Variants in DOP1B observed in about 807,000 individuals in gnomAD.
DOP1B encodes protein DOP1B.
A neutral mutation model predicts 233.5 loss-of-function variants in DOP1B; 174 were observed. That is an observed-to-expected ratio of 0.75 (90% CI 0.66 to 0.85). DOP1B has a LOEUF of 0.85. Ranked by LOEUF, DOP1B falls within the 40% of genes least tolerant of loss-of-function variation. The pLI is 0.00. For synonymous variants in DOP1B, 1,190 were observed against 1,185.6 expected, an observed-to-expected ratio of 1.00 and a Z score of -0.08; for missense variants, 2,652 against 2,846.6, an observed-to-expected ratio of 0.93 and a Z score of 1.56.
chr21:36,244,172 C>T (rs2066926790), intron 18 of DOP1B, among the ~76,000 whole-genome samples: 1 of 151,556 alleles, frequency 6.6e-6, no homozygotes, highest in Admixed American at 6.6e-5. Context: ...TATGGGCACG[C>T]ACCACCACGT....
chr21:36,230,524 G>C lies in DOP1B; in HGVS notation c.1740G>C (p.Ser580=), dbSNP rs200401033. The C allele has an allele frequency of 1.9e-6, 3 of 1,613,954 alleles. No homozygotes were observed. In the Admixed American group the frequency reaches 5.0e-5, roughly 27 times the overall value. ...TGATTCCCGGTGACGAAGATGCTTC[G>C]TTTCCCCCTCTGAAGTCTGAGGACA... ...KAVIPGDEDA[S]FPPLKSEDSG... The change falls in exon 14 of 37, where the codon TCG becomes TCC. Residue 580 remains serine (S), a synonymous_variant. Coordinates refer to ENST00000691173, the MANE Select transcript of DOP1B (RefSeq NM_001320714.2).
At chr21:36,168,733 A>C (rs1029109452) in intron 2 of DOP1B, among the ~76,000 whole-genome samples, 1 of 151,784 alleles carries the variant, frequency 6.6e-6, no homozygotes, top group African/African-American at 2.4e-5. Context: ...GGGTTTCACC[A>C]TCTTGGCCAG....
At chr21:36,235,480 A>T (rs1366708295) in intron 15 of DOP1B, among the ~76,000 whole-genome samples, 1 of 152,002 alleles carries the variant, frequency 6.6e-6, no homozygotes, top group Non-Finnish European at 1.5e-5. Flanking sequence ...AGCATCCAGC[A>T]CTTTAGGAGG....
At chr21:36,242,187 T>TATTATTATTATTATTATTATC (rs1445843376) in intron 18 of DOP1B, among the ~76,000 whole-genome samples, 2 of 150,282 alleles carry the variant, frequency 1.3e-5, no homozygotes, top group Non-Finnish European at 3.0e-5. Flanking sequence ...TTATTATTAT[T>TATTATTATTATTATTATTATC]ATTGAAGAAG....
chr21:36,213,010 G>A (rs916140617), intron 7 of DOP1B, among the ~76,000 whole-genome samples: 2 of 152,146 alleles, frequency 1.3e-5, no homozygotes, highest in Non-Finnish European at 2.9e-5. Context: ...TTGGACTCTT[G>A]ACCTCAGGTG....
chr21:36,168,233 C>T (rs544117360), intron 2 of DOP1B, among the ~76,000 whole-genome samples: 7 of 151,950 alleles, frequency 4.6e-5, no homozygotes, highest in East Asian at 1.9e-4. Flanking sequence ...CATGAGCCAC[C>T]GCGCCGAGCC....
intron 32 of DOP1B, among the ~76,000 whole-genome samples, chr21:36,284,057 C>T (rs922029028): frequency 6.7e-6 from 1 of 149,056 alleles, no homozygotes; most frequent in Admixed American, 6.8e-5. Flanking sequence ...AAGCAATTCT[C>T]CTGCCTCAGC....
At chr21:36,256,658 G>A (rs546511219) in intron 23 of DOP1B, among the ~76,000 whole-genome samples, 2 of 152,002 alleles carry the variant, frequency 1.3e-5, no homozygotes, top group Non-Finnish European at 2.9e-5. Flanking sequence ...ATTCTGACAC[G>A]TGCTACACAA....
intron 2 of DOP1B, among the ~76,000 whole-genome samples, chr21:36,190,243 T>C (rs1190758359): frequency 2.7e-5 from 4 of 150,498 alleles, no homozygotes; most frequent in Non-Finnish European, 5.9e-5. Context: ...GAGAATCACT[T>C]GAACCCAGGA....
intron 4 of DOP1B, among the ~76,000 whole-genome samples, chr21:36,204,748 G>A (rs563254876): frequency 2.4e-4 from 34 of 143,438 alleles, no homozygotes; most frequent in Middle Eastern, 3.8e-3. Context: ...TCCACCTCCC[G>A]GGTACAAGCG....
Position 36,164,692 on chromosome 21 carries a change from T to C in DOP1B, c.-26-16T>C, listed in dbSNP as rs2065893127. On this transcript the variant is annotated splice_polypyrimidine_tract_variant and intron_variant, in intron 1 of 36. Transcript: ENST00000691173. ...AAATGGCTCTCTCATTTGGTTATTT[T>C]TTGATTTGCTTTTAGATACTTTTCT... 1 of 1,522,790 alleles carries C rather than the reference T, an allele frequency of 6.6e-7. No homozygotes were observed. Among genetic ancestry groups the C allele is most frequent in the African/African-American group, 1.4e-5 (1 of 70,430 alleles). The allele number at this position is 1,522,790 out of a possible 1,614,324, so 94.3% of individuals were successfully genotyped here. A position where few individuals can be genotyped will look rare whatever the true frequency, so the allele number is the denominator to read the frequency against.
intron 2 of DOP1B, among the ~76,000 whole-genome samples, chr21:36,196,308 G>A (rs1476586208): frequency 6.6e-6 from 1 of 152,220 alleles, no homozygotes; most frequent in African/African-American, 2.4e-5. Flanking sequence ...AGTAAGCCAT[G>A]GGAGTCGTGG....
At position 36,246,609 on chromosome 21, in the gene DOP1B, C is replaced by A. The variant is rs964587917; in HGVS notation, c.4629C>A (p.Val1543=). Residue 1543 remains valine, a synonymous_variant, in exon 19 of 37, where the codon GTC becomes GTA. Transcript: ENST00000691173. The surrounding 1 kb of genome is among the most constrained non-coding windows in gnomAD (Gnocchi z 5.1). The part of the protein sequence containing the change: ...SLGWTVTPFV[V]QICKNLDDLV... Reference sequence around the variant, plus strand: ...GCTGGACGGTGACACCCTTTGTTGTCCAGATTTGCAAAAACTTGGATGACT... The same window carrying A: ...GCTGGACGGTGACACCCTTTGTTGTACAGATTTGCAAAAACTTGGATGACT... 3 of 1,613,972 alleles carry A rather than the reference C, an allele frequency of 1.9e-6. No individual in the cohort carries two copies. The highest frequency in any genetic ancestry group is 2.5e-6 in the Non-Finnish European group (3 of 1,180,038).
At chr21:36,237,481 A>C (rs2066841892) in intron 16 of DOP1B, 67 bp downstream of exon 16, 7 of 1,584,484 alleles carry the variant, frequency 4.4e-6, no homozygotes, top group Non-Finnish European at 6.0e-6. Flanking sequence ...GCCCTTAGCC[A>C]ACTGACATCC....
In DOP1B at chr21:36,230,932, G is replaced by C. The variant is rs373120963; in HGVS notation, c.2148G>C (p.Ser716=). ...AGACAAAAAGTTCAGAGTCACCATC[G>C]TCTTCGCCCAGCAGCCCTGCCAGGA... ...PFKTKSSESP[S]SSPSSPARKN... Residue 716 remains serine, a synonymous_variant, in exon 14 of 37, where the codon TCG becomes TCC. Transcript: ENST00000691173. 4.3e-6 allele frequency: 7 copies of C among 1,614,048 alleles called. No homozygotes were observed. The African/African-American group carries it at 6.7e-5, about 15-fold the overall frequency.
intron 2 of DOP1B, among the ~76,000 whole-genome samples, chr21:36,182,225 A>T (rs1197087690): frequency 6.6e-6 from 1 of 152,128 alleles, no homozygotes; most frequent in East Asian, 1.9e-4. Context: ...AGATTGGGGC[A>T]GATGCACTGG....
intron 15 of DOP1B, among the ~76,000 whole-genome samples, chr21:36,234,578 T>G (rs2066805482): frequency 6.6e-6 from 1 of 151,424 alleles, no homozygotes; most frequent in African/African-American, 2.4e-5. Context: ...TGAGACAGAG[T>G]CTTGCTCTGT....
rs111966722 is a variant in DOP1B at position 36,263,640 on chromosome 21, C to G, written c.5410C>G (p.Leu1804Val). 1.2e-6 allele frequency: 2 copies of G among 1,614,008 alleles called. No individual in the cohort carries two copies. The highest frequency in any genetic ancestry group is 2.7e-5 in the African/African-American group (2 of 75,050). The change falls in exon 25 of 37, where the codon CTG becomes GTG. Residue 1804 changes from leucine (L) to valine (V), a missense_variant. Physicochemically the swap from Leu to Val is conservative, Grantham distance 32 (BLOSUM62 1). This residue lies in a region of DOP1B where 2,617 missense variants were observed against 2,794.3 expected (regional missense o/e 0.94). Transcript: ENST00000691173. ...QLNLAPPGYF[L>V]LLSMLNDFVT... ...GAATCTAGCCCCACCTGGGTATTTTCTGCTTCTCAGGTATCATGTCACCAC... is the reference window on the plus strand; with the variant it reads ...GAATCTAGCCCCACCTGGGTATTTTGTGCTTCTCAGGTATCATGTCACCAC...
rs746662001 is a variant in DOP1B at position 36,239,950 on chromosome 21, C to CG, written c.3064dup (p.Ala1022GlyfsTer3). The CG allele has an allele frequency of 6.2e-7, 1 of 1,608,358 alleles. No individual in the cohort carries two copies. Among genetic ancestry groups the CG allele is most frequent in the South Asian group, 1.1e-5 (1 of 90,448 alleles). ...ATCCACTGCCTCAAGCAGGAGAACTCGGCCGGTGAGCAGCCTGCACAGGAC... is the reference window on the plus strand; with the variant it reads ...ATCCACTGCCTCAAGCAGGAGAACTCGGGCCGGTGAGCAGCCTGCACAGGAC... On this transcript the variant is annotated frameshift_variant, in exon 18 of 37. Transcript: ENST00000691173. LOFTEE classifies it high-confidence loss of function.
Sources: gnomAD v4.1 joint callset for allele counts (sites outside exome capture counted in the v4.1 genomes callset) on GRCh38, gnomAD v4.1.1 for gene constraint, gnomAD v4.1.1 regional missense constraint, Gnocchi (gnomAD v3.1) non-coding constraint, MANE v1.5 for transcripts, NCBI Gene and HGNC (gene_info 2026-07-23, HGNC 2026-07-21) for gene names.